The following CKM variants were observed in gnomAD, a reference collection of about 807,000 sequenced individuals.
CKM encodes creatine kinase M-type.
In CKM, 28 loss-of-function variants were observed where a neutral mutation model predicts 35.4. The observed-to-expected ratio is 0.79, with a 90% CI of 0.59 to 1.08. The LOEUF is 1.08. Ranked by LOEUF, CKM falls within the 50% of genes least tolerant of loss-of-function variation. The pLI, the probability that CKM is intolerant of heterozygous loss-of-function variation, is 0.00. For synonymous variants in CKM, 215 were observed against 204.4 expected, an observed-to-expected ratio of 1.05 and a Z score of -0.44; for missense variants, 484 against 509.8, an observed-to-expected ratio of 0.95 and a Z score of 0.49.
At chr19:45,310,281 C>T (rs892431259) in intron 5 of CKM, among the ~76,000 whole-genome samples, 5 of 151,814 alleles carry the variant, frequency 3.3e-5, no homozygotes. Flanking sequence ...CCACCAAGCC[C>T]AGCTAATTTT....
Position 45,308,447 on chromosome 19 carries a change from T to A in CKM, c.739A>T (p.Lys247Ter), listed in dbSNP as rs1971076466. 1 of 1,614,122 alleles carries A rather than the reference T, an allele frequency of 6.2e-7. No homozygotes were observed. Reference sequence around the variant, plus strand: ...ACGCAGAAGCGGCGGAAAACCTCCTTCATGTTGCCCCCCTTCTCCATGGAG... The same window carrying A: ...ACGCAGAAGCGGCGGAAAACCTCCTACATGTTGCCCCCCTTCTCCATGGAG... ...VISMEKGGNM[K>*]EVFRRFCVGL... Residue 247 changes from lysine to a stop codon, truncating the protein, a stop_gained, in exon 6 of 8, where the codon AAG becomes TAG. Transcript: ENST00000221476. LOFTEE classifies it high-confidence loss of function.
chr19:45,311,626 G>A (rs746306493), intron 5 of CKM, 123 bp downstream of exon 5: 25 of 815,052 alleles, frequency 3.1e-5, no homozygotes, highest in Admixed American at 5.0e-5. Context: ...ATCATTTTCC[G>A]TGGCATTTAG....
chr19:45,318,970 G>A (rs751339945), intron 2 of CKM, among the ~76,000 whole-genome samples: 2 of 150,970 alleles, frequency 1.3e-5, no homozygotes, highest in Admixed American at 6.6e-5. Flanking sequence ...TCCTCCCACC[G>A]CAGCCTCCTG....
Position 45,306,699 on chromosome 19 carries a change from A to G in CKM, c.*51T>C. 5 of 1,598,268 alleles carry G rather than the reference A, an allele frequency of 3.1e-6. No homozygotes were observed. The highest frequency in any genetic ancestry group is 4.3e-6 in the Non-Finnish European group (5 of 1,167,396). On this transcript the variant is annotated 3_prime_UTR_variant, in exon 8 of 8. Transcript: ENST00000221476. This position sits in a 1 kb window ranked among gnomAD's most constrained non-coding sequence, Gnocchi z 4.5. ...TGAGGGAGCAGGACTCTGGTGGGCC[A>G]GGCCCTCCCACTGGCTGGGTTCCAG... is the stretch of plus-strand genomic sequence containing the variant.
rs1342072632 is a variant in CKM at position 45,311,939 on chromosome 19, G to A, written c.482-19C>T. 1 of 1,613,320 alleles carries A rather than the reference G, an allele frequency of 6.2e-7. No homozygotes were observed. Among genetic ancestry groups the A allele is most frequent in the East Asian group, 2.2e-5 (1 of 44,888 alleles). ...TTGAGAGCTATGGGGACACACGAGG[G>A]AGTGGTCAGCAGCCTGTCCCACCTC... On this transcript the variant is annotated intron_variant, in intron 4 of 7. Transcript: ENST00000221476.
chr19:45,311,273 G>A (rs1220477234), intron 5 of CKM, among the ~76,000 whole-genome samples: 2 of 149,916 alleles, frequency 1.3e-5, no homozygotes, highest in Non-Finnish European at 3.0e-5. Context: ...TGGCTCTGTC[G>A]CCCAGGCTGG....
In CKM at chr19:45,306,825, C is replaced by T. The variant is rs1599812980; in HGVS notation, c.1071G>A (p.Val357=). The T allele has an allele frequency of 5.6e-6, 9 of 1,614,198 alleles. No individual in the cohort carries two copies. The highest frequency in any genetic ancestry group is 7.6e-6 in the Non-Finnish European group (9 of 1,180,026). Residue 357 remains valine, a synonymous_variant, in exon 8 of 8, where the codon GTG becomes GTA. Transcript: ENST00000221476. This position sits in a 1 kb window ranked among gnomAD's most constrained non-coding sequence, Gnocchi z 4.5. ...VEQVQLVVDG[V]KLMVEMEKKL... ...TCTTCTCCATTTCCACCATGAGCTTCACACCATCCACCACCAGCTGCACCT... is the reference window on the plus strand; with the variant it reads ...TCTTCTCCATTTCCACCATGAGCTTTACACCATCCACCACCAGCTGCACCT...
Position 45,319,434 on chromosome 19 carries a change from C to CA in CKM, c.193+86_193+87insT, listed in dbSNP as rs1421678458. 91 of 1,033,036 alleles carry CA rather than the reference C, an allele frequency of 8.8e-5. No homozygotes were observed. In the South Asian group the frequency reaches 1.1e-3, roughly 13 times the overall value. The allele number at this position is 1,033,036 out of a possible 1,614,324, so 64.0% of individuals were successfully genotyped here. ...CAGATGAGAAAACTGAGGCCCCCCCCCCTTCAAGGGTGGTGGGATTGGGGC... is the reference window on the plus strand; with the variant it reads ...CAGATGAGAAAACTGAGGCCCCCCCCACCTTCAAGGGTGGTGGGATTGGGGC... On this transcript the variant is annotated intron_variant, in intron 2 of 7. Coordinates refer to ENST00000221476, the MANE Select transcript of CKM (RefSeq NM_001824.5).
intron 3 of CKM, 70 bp downstream of exon 3, chr19:45,317,755 C>A (rs1368717943): frequency 1.5e-5 from 23 of 1,517,442 alleles, no homozygotes; most frequent in Non-Finnish European, 2.1e-5. Flanking sequence ...ATTTCTCTGT[C>A]TCCCCCCATT....
chr19:45,319,287 G>A (rs772489048), intron 2 of CKM, among the ~76,000 whole-genome samples: 3 of 152,202 alleles, frequency 2.0e-5, no homozygotes, highest in East Asian at 1.9e-4. Context: ...GAGGTGAACC[G>A]ACCTCCTTGG....
chr19:45,307,718 C>A, intron 6 of CKM, 68 bp from the exon 7 acceptor site: 1 of 1,359,840 alleles, frequency 7.4e-7, no homozygotes, highest in African/African-American at 1.4e-5. Context: ...GCAACATGGA[C>A]AGGGTCCGGA....
Position 45,308,399 on chromosome 19 carries a change from A to G in CKM, c.777+10T>C, listed in dbSNP as rs1340868512. ...GAGTCAGAAGTCAGCAGCTAAGGGC[A>G]GACACCCACCTTCTGCAGCCCTACG... On this transcript the variant is annotated intron_variant, in intron 6 of 7. Transcript: ENST00000221476. 2 of 1,614,008 alleles carry G rather than the reference A, an allele frequency of 1.2e-6. No homozygotes were observed. Among genetic ancestry groups the G allele is most frequent in the African/African-American group, 2.7e-5 (2 of 74,928 alleles).
At position 45,309,029 on chromosome 19, in the gene CKM, C is replaced by A. The variant is rs148185227; in HGVS notation, c.654-497G>T. ...GATCACAAGGTCAGGAGATCGACAC[C>A]ATCCTGGCTAACACGTCGAAACCCT... is the stretch of plus-strand genomic sequence containing the variant. On this transcript the variant is annotated intron_variant, in intron 5 of 7. Transcript: ENST00000221476. Among the ~76,000 whole-genome samples, 418 of 146,106 alleles carry A rather than the reference C, an allele frequency of 2.9e-3. 3 individuals carry two copies. The highest frequency in any genetic ancestry group is 1.0e-2 in the African/African-American group (394 of 39,426).
rs922987756 is a variant in CKM, at chr19:45,310,818, T to C, written c.653+931A>G. Among the ~76,000 whole-genome samples, 32 of 125,718 alleles carry C rather than the reference T, an allele frequency of 2.5e-4. No homozygotes were observed. In the Admixed American group the frequency reaches 3.0e-3, roughly 12 times the overall value. The allele number at this position is 125,718 out of a possible 152,430, so 82.5% of individuals were successfully genotyped here. On this transcript the variant is annotated intron_variant, in intron 5 of 7. Transcript: ENST00000221476. ...AGACGGAGTCTCCTGTCGCCCAGGC[T>C]GGAGTGCAGTGGCACGATCTCAGCT...
intron 6 of CKM, 62 bp from the exon 7 acceptor site, chr19:45,307,712 C>T (rs1971067693): frequency 7.1e-7 from 1 of 1,407,794 alleles, no homozygotes; most frequent in South Asian, 1.2e-5. Flanking sequence ...GCACCCGCAA[C>T]ATGGACAGGG....
At chr19:45,310,786 T>C (rs974833958) in intron 5 of CKM, among the ~76,000 whole-genome samples, 1 of 139,852 alleles carries the variant, frequency 7.2e-6, no homozygotes, top group Non-Finnish European at 1.6e-5. Context: ...TTTTTTTTTT[T>C]TTTTTGAGAC....
At chr19:45,318,306 C>A (rs2123143870) in intron 2 of CKM, among the ~76,000 whole-genome samples, 1 of 151,948 alleles carries the variant, frequency 6.6e-6, no homozygotes, top group South Asian at 2.1e-4. Flanking sequence ...ACTCAGGAGG[C>A]TGAGGCATGA....
At chr19:45,313,239 C>G (rs182752668) in intron 4 of CKM, among the ~76,000 whole-genome samples, 16 of 152,202 alleles carry the variant, frequency 1.1e-4, no homozygotes, top group Non-Finnish European at 2.2e-4. Flanking sequence ...GTGGGTAATT[C>G]TCACAGTACT....
chr19:45,319,426 GC>G lies in CKM; in HGVS notation c.193+94del, dbSNP rs34906823. 7.6e-3 allele frequency: 6,097 copies of G among 805,196 alleles called. 37 individuals carry two copies. The highest frequency in any genetic ancestry group is 0.034 in the African/African-American group (1,893 of 56,018). 49.9% of individuals were successfully genotyped at this position (805,196 alleles called of 1,614,324 possible). A position where few individuals can be genotyped will look rare whatever the true frequency, so the allele number is the denominator to read the frequency against. The stretch of plus-strand genomic sequence containing the variant: ...CCATTTTACAGATGAGAAAACTGAG[GC>G]CCCCCCCCCTTCAAGGGTGGTGGGA... On this transcript the variant is annotated intron_variant, in intron 2 of 7. Coordinates refer to ENST00000221476, the MANE Select transcript of CKM (RefSeq NM_001824.5).
Sources: allele counts gnomAD v4.1 joint callset (sites outside exome capture counted in the v4.1 genomes callset), GRCh38; gene constraint gnomAD v4.1.1; non-coding constraint Gnocchi (gnomAD v3.1); transcripts MANE v1.5; gene names NCBI Gene and HGNC (gene_info 2026-07-23, HGNC 2026-07-21).